RNGTT: variants seen among roughly 807,000 people sequenced by gnomAD.
The protein encoded by RNGTT is RNA guanylyltransferase and 5'-phosphatase.
Under a neutral mutation model 79.3 loss-of-function variants are expected in RNGTT, and 33 were observed. The ratio of observed to expected loss-of-function variants is 0.42; its 90% CI spans 0.32 to 0.56. RNGTT has a LOEUF of 0.56. RNGTT is among the 20% of genes least tolerant of loss of function. The probability of loss-of-function intolerance (pLI) is 0.17; values close to 1 mark genes in which losing one functional copy is unlikely to be tolerated. For missense variants in RNGTT, 497 were observed against 739.1 expected (o/e 0.67, Z 3.80); for synonymous variants, 222 against 235.9 (o/e 0.94, Z 0.54).
chr6:88,837,884 A>G (rs1265023174), intron 11 of RNGTT, among the ~76,000 whole-genome samples: 1 of 152,194 alleles, frequency 6.6e-6, no homozygotes, highest in Non-Finnish European at 1.5e-5. Context: ...CACTCAAATC[A>G]GGAAAAAAGA....
intron 14 of RNGTT, among the ~76,000 whole-genome samples, chr6:88,673,071 C>T (rs755059416): frequency 3.3e-5 from 5 of 152,122 alleles, no homozygotes; most frequent in South Asian, 2.1e-4. Flanking sequence ...AAATGGAGCT[C>T]GTTTTTAGAA....
chr6:88,864,428 A>T (rs1274376166), intron 8 of RNGTT, among the ~76,000 whole-genome samples: 1 of 152,158 alleles, frequency 6.6e-6, no homozygotes. Flanking sequence ...ATGTTAACAT[A>T]TAGCAAAGAG....
chr6:88,799,679 A>G (rs1329641062), intron 12 of RNGTT, among the ~76,000 whole-genome samples: 2 of 149,300 alleles, frequency 1.3e-5, no homozygotes, highest in Admixed American at 6.7e-5. Context: ...CAGCTTGGGC[A>G]ACAAGAGCAA....
chr6:88,920,459 T>C (rs901929279), intron 4 of RNGTT, among the ~76,000 whole-genome samples: 3 of 152,178 alleles, frequency 2.0e-5, no homozygotes, highest in African/African-American at 7.2e-5. Context: ...TTATGAGATA[T>C]ACATGAAATA....
intron 6 of RNGTT, among the ~76,000 whole-genome samples, chr6:88,903,584 A>G (rs1783545444): frequency 6.6e-6 from 1 of 152,198 alleles, no homozygotes; most frequent in East Asian, 1.9e-4. Context: ...GTGTCCTTAT[A>G]GTCTTAAAAT....
At chr6:88,910,875 C>T (rs1783808652) in intron 4 of RNGTT, among the ~76,000 whole-genome samples, 2 of 152,166 alleles carry the variant, frequency 1.3e-5, no homozygotes, top group African/African-American at 4.8e-5. Flanking sequence ...AATTCCATAT[C>T]CCACCAAATT....
At chr6:88,809,028 T>C (rs1157478286) in intron 11 of RNGTT, among the ~76,000 whole-genome samples, 1 of 151,012 alleles carries the variant, frequency 6.6e-6, no homozygotes, top group East Asian at 1.9e-4. Flanking sequence ...GTCCGTTAGG[T>C]ATAAAGTACA....
chr6:88,871,775 G>A (rs960400869), intron 8 of RNGTT, among the ~76,000 whole-genome samples: 3 of 151,998 alleles, frequency 2.0e-5, no homozygotes, highest in Non-Finnish European at 2.9e-5. Flanking sequence ...AGAAACTTCC[G>A]GGAATTAAGC....
chr6:88,906,334 T>A lies in RNGTT; in HGVS notation c.443+31A>T, dbSNP rs375552068. ...ATCAATAAAATTTTTTATTACAAAA[T>A]ACATCTTCCATTATAACAAGATACA... On this transcript the variant is annotated intron_variant, in intron 5 of 15. Transcript: ENST00000369485. The A allele has an allele frequency of 6.1e-4, 861 of 1,407,802 alleles. 4 individuals are homozygous for A. Among genetic ancestry groups the A allele is most frequent in the Non-Finnish European group, 4.7e-4 (486 of 1,024,150 alleles). 87.2% of individuals were successfully genotyped at this position (1,407,802 alleles called of 1,614,324 possible). A position where few individuals can be genotyped will look rare whatever the true frequency, so the allele number is the denominator to read the frequency against.
At chr6:88,898,518 G>A (rs954694562) in intron 6 of RNGTT, among the ~76,000 whole-genome samples, 1 of 151,290 alleles carries the variant, frequency 6.6e-6, no homozygotes, top group Non-Finnish European at 1.5e-5. Context: ...TTTATGGATT[G>A]ATAGCCTCTC....
chr6:88,898,259 G>A (rs978985824), intron 6 of RNGTT, among the ~76,000 whole-genome samples: 7 of 152,160 alleles, frequency 4.6e-5, no homozygotes, highest in Middle Eastern at 6.8e-3. Context: ...AATACTTTCC[G>A]TCCTTATTGA....
At chr6:88,935,112 TGA>T (rs978841756) in intron 2 of RNGTT, among the ~76,000 whole-genome samples, 13 of 152,228 alleles carry the variant, frequency 8.5e-5, no homozygotes, top group African/African-American at 2.9e-4. Context: ...TTGTATATGG[TGA>T]GAGATAAAGG....
At chr6:88,767,010 T>C (rs1778483847) in intron 13 of RNGTT, among the ~76,000 whole-genome samples, 1 of 152,140 alleles carries the variant, frequency 6.6e-6, no homozygotes, top group South Asian at 2.1e-4. Flanking sequence ...TATAAACTCA[T>C]TTATTCAGTA....
At chr6:88,680,520 T>A (rs935562290) in intron 13 of RNGTT, among the ~76,000 whole-genome samples, 1 of 151,998 alleles carries the variant, frequency 6.6e-6, no homozygotes, top group Admixed American at 6.6e-5. Flanking sequence ...GGAGGGGGGA[T>A]CACCTGAGGT....
rs147785751 is a variant in RNGTT at position 88,960,602 on chromosome 6, AAAAAAAG to A, written c.64+2737_64+2743del. Among the ~76,000 whole-genome samples the A allele has an allele frequency of 1.6e-3, 246 of 152,232 alleles. No individual in the cohort carries two copies. The East Asian group carries it at 0.017, about 11-fold the overall frequency. On this transcript the variant is annotated intron_variant, in intron 1 of 15. Transcript: ENST00000369485. ...TACAAAAAAGAAAAGAAAAGAAAAG[AAAAAAAG>A]GAAAAAGGAAAAGAAATTATAAGTT...
intron 12 of RNGTT, among the ~76,000 whole-genome samples, chr6:88,800,535 A>T (rs1419702908): frequency 6.6e-6 from 1 of 152,232 alleles, no homozygotes; most frequent in African/African-American, 2.4e-5. Flanking sequence ...TGGTGAAGAA[A>T]AAAAGCAGCA....
At chr6:88,689,609 A>AAAT (rs59986551) in intron 13 of RNGTT, among the ~76,000 whole-genome samples, 2 of 151,406 alleles carry the variant, frequency 1.3e-5, no homozygotes, top group Non-Finnish European at 2.9e-5. Context: ...AAAAAAAAAA[A>AAAT]GTCTATACCA....
rs552889693 is a variant in RNGTT at position 88,708,623 on chromosome 6, G to A, written c.1440-30204C>T. ...GGTGCTTTCTGAAATCTGTCACCACGCTGGCCTCTCAGCTCTCTGCCCGGC... is the reference window on the plus strand; with the variant it reads ...GGTGCTTTCTGAAATCTGTCACCACACTGGCCTCTCAGCTCTCTGCCCGGC... On this transcript the variant is annotated intron_variant, in intron 13 of 15. Coordinates refer to ENST00000369485, the MANE Select transcript of RNGTT (RefSeq NM_003800.5). Among the ~76,000 whole-genome samples the A allele has an allele frequency of 2.5e-4, 38 of 152,222 alleles. No individual in the cohort carries two copies. The South Asian group carries it at 5.0e-3, about 20-fold the overall frequency.
At chr6:88,832,153 C>A (rs1221465959) in intron 11 of RNGTT, among the ~76,000 whole-genome samples, 2 of 152,142 alleles carry the variant, frequency 1.3e-5, no homozygotes, top group African/African-American at 4.8e-5. Context: ...GCAAAAAGAA[C>A]AAAGCTGGAG....
Sources: allele counts gnomAD v4.1 joint callset (sites outside exome capture counted in the v4.1 genomes callset), GRCh38; gene constraint gnomAD v4.1.1; transcripts MANE v1.5; gene names NCBI Gene and HGNC (gene_info 2026-07-23, HGNC 2026-07-21).